Variants in PTPRD observed in about 807,000 individuals in gnomAD.
The protein encoded by PTPRD is protein tyrosine phosphatase receptor type D.
Under a neutral mutation model 214.5 loss-of-function variants are expected in PTPRD, and 34 were observed. The observed-to-expected ratio is 0.16, with a 90% confidence interval of 0.12 to 0.21. The LOEUF (loss-of-function observed/expected upper bound fraction) is 0.21, where lower values mean the gene tolerates loss of function less well. PTPRD is among the 10% of genes least tolerant of loss of function. The pLI is 1.00. For missense variants in PTPRD, 2,545 were observed against 2,398.7 expected, an observed-to-expected ratio of 1.06 and a Z score of -1.27; for synonymous variants, 1,128 against 845.7, an observed-to-expected ratio of 1.33 and a Z score of -5.79.
In PTPRD at chr9:8,940,280, C is replaced by CTTTTTTTTTTT. The variant is rs34342718; in HGVS notation, c.-104+78406_-104+78416dup. Among the ~76,000 whole-genome samples the CTTTTTTTTTTT allele has an allele frequency of 5.2e-4, 46 of 89,048 alleles. 2 individuals carry two copies. The highest frequency in any genetic ancestry group is 8.7e-4 in the South Asian group (2 of 2,286). The allele number at this position is 89,048 out of a possible 152,430, so 58.4% of individuals were successfully genotyped here. A position where few individuals can be genotyped will look rare whatever the true frequency, so the allele number is the denominator to read the frequency against. On this transcript the variant is annotated intron_variant, in intron 11 of 45. Transcript: ENST00000381196. ...TCACACATCTCTCTCTCTCTCTCTCCTTTTTTTTTTTTTTTTTTTTGAGAT... is the reference window on the plus strand; with the variant it reads ...TCACACATCTCTCTCTCTCTCTCTCCTTTTTTTTTTTTTTTTTTTTTTTTTTTTTTTGAGAT...
In PTPRD at chr9:9,216,536, G is replaced by A. The variant is rs2099952368; in HGVS notation, c.-202-33173C>T. ...AAGACTAAGCCTGATTAACTACACA[G>A]CCGTCATCTTCCAGGTTCAGAGTGA... On this transcript the variant is annotated intron_variant, in intron 9 of 45. Coordinates refer to ENST00000381196, the MANE Select transcript of PTPRD (RefSeq NM_002839.4). Among the ~76,000 whole-genome samples, 4 of 152,248 alleles carry A rather than the reference G, an allele frequency of 2.6e-5. 1 individual carries two copies. In the South Asian group the frequency reaches 8.3e-4, roughly 32 times the overall value.
intron 2 of PTPRD, among the ~76,000 whole-genome samples, chr9:10,451,903 T>C (rs2098844074): frequency 6.7e-6 from 1 of 148,434 alleles, no homozygotes; most frequent in Non-Finnish European, 1.5e-5. Context: ...CAGTTAAAGG[T>C]ATTATTTTCG....
chr9:9,268,616 AT>A (rs748253614), intron 9 of PTPRD, among the ~76,000 whole-genome samples: 6 of 151,128 alleles, frequency 4.0e-5, no homozygotes, highest in Non-Finnish European at 7.4e-5. Flanking sequence ...TCAAATTATA[AT>A]AAAAACCTAT....
intron 4 of PTPRD, among the ~76,000 whole-genome samples, chr9:10,000,399 G>C (rs564410479): frequency 6.6e-6 from 1 of 151,962 alleles, no homozygotes; most frequent in Non-Finnish European, 1.5e-5. Flanking sequence ...ACTCAAAATG[G>C]TGCTGCAAAC....
At chr9:10,261,547 C>A (rs2093700676) in intron 3 of PTPRD, among the ~76,000 whole-genome samples, 1 of 151,912 alleles carries the variant, frequency 6.6e-6, no homozygotes, top group Non-Finnish European at 1.5e-5. Flanking sequence ...TGTATATATA[C>A]ATATGTATAG....
chr9:10,423,301 G>C (rs920205738), intron 2 of PTPRD, among the ~76,000 whole-genome samples: 1 of 152,040 alleles, frequency 6.6e-6, no homozygotes, highest in African/African-American at 2.4e-5. Flanking sequence ...TCTGGGGTCT[G>C]TCATGGGGTG....
At chr9:8,516,974 G>A (rs947660855) in intron 21 of PTPRD, among the ~76,000 whole-genome samples, 1 of 151,792 alleles carries the variant, frequency 6.6e-6, no homozygotes, top group Non-Finnish European at 1.5e-5. Flanking sequence ...ACCATGCCCA[G>A]CTAATTTTTG....
At chr9:9,281,046 C>T (rs973595373) in intron 9 of PTPRD, among the ~76,000 whole-genome samples, 4 of 151,224 alleles carry the variant, frequency 2.6e-5, no homozygotes, top group African/African-American at 9.7e-5. Context: ...GCTGGAACAA[C>T]TGAATACGCA....
intron 3 of PTPRD, among the ~76,000 whole-genome samples, chr9:10,332,046 TG>T (rs2096760513): frequency 6.6e-6 from 1 of 151,852 alleles, no homozygotes; most frequent in South Asian, 2.1e-4. Context: ...CACATTTCCT[TG>T]ATTCTATAAT....
intron 2 of PTPRD, among the ~76,000 whole-genome samples, chr9:10,344,219 A>T (rs1318923219): frequency 6.6e-6 from 1 of 151,870 alleles, no homozygotes; most frequent in Non-Finnish European, 1.5e-5. Context: ...GGTGTAAGGA[A>T]GGGATCCAGT....
chr9:9,408,171 C>T (rs530979174), intron 8 of PTPRD, among the ~76,000 whole-genome samples: 13 of 151,884 alleles, frequency 8.6e-5, no homozygotes, highest in African/African-American at 3.1e-4. Flanking sequence ...TGATGCTTCT[C>T]ACAACTTTGT....
At chr9:10,074,633 G>A (rs1312517063) in intron 3 of PTPRD, among the ~76,000 whole-genome samples, 1 of 152,114 alleles carries the variant, frequency 6.6e-6, no homozygotes, top group Non-Finnish European at 1.5e-5. Context: ...ATGGATAGCA[G>A]TTAATGTCAC....
chr9:9,647,663 G>A (rs1258963001), intron 7 of PTPRD, among the ~76,000 whole-genome samples: 4 of 152,144 alleles, frequency 2.6e-5, no homozygotes, highest in Admixed American at 6.5e-5. Context: ...CCAAGGTCAA[G>A]ACATGCAAGA....
At position 8,710,641 on chromosome 9, in the gene PTPRD, A is replaced by G. The variant is rs148025484; in HGVS notation, c.64+23139T>C. 1.7e-3 allele frequency among the ~76,000 whole-genome samples: 253 copies of G among 152,216 alleles called. 1 individual carries two copies. The highest frequency in any genetic ancestry group is 5.6e-3 in the African/African-American group (234 of 41,524). ...AAAAAATAAATAAATAAAAATAACA[A>G]TAATAATAACAGTAATAGGATATCA... On this transcript the variant is annotated intron_variant, in intron 12 of 45. Transcript: ENST00000381196.
At chr9:10,552,274 T>A (rs935985587) in intron 2 of PTPRD, among the ~76,000 whole-genome samples, 1 of 152,184 alleles carries the variant, frequency 6.6e-6, no homozygotes, top group Non-Finnish European at 1.5e-5. Context: ...ATTAAGAATT[T>A]AAGGTATCAT....
rs542348492 is a variant in PTPRD at position 8,803,040 on chromosome 9, G to A, written c.-103-69094C>T. Among the ~76,000 whole-genome samples the A allele has an allele frequency of 2.6e-5, 4 of 152,206 alleles. No individual in the cohort carries two copies. The East Asian group carries it at 7.7e-4, about 29-fold the overall frequency. ...CCATTGTACTCCGGCCTCGGCAACAGAGCAAGACCTCAGCTCTGAAATTAA... is the reference window on the plus strand; with the variant it reads ...CCATTGTACTCCGGCCTCGGCAACAAAGCAAGACCTCAGCTCTGAAATTAA... On this transcript the variant is annotated intron_variant, in intron 11 of 45. Coordinates refer to ENST00000381196, the MANE Select transcript of PTPRD (RefSeq NM_002839.4).
chr9:9,245,568 A>G (rs1360833041), intron 9 of PTPRD, among the ~76,000 whole-genome samples: 1 of 151,840 alleles, frequency 6.6e-6, no homozygotes, highest in Middle Eastern at 3.4e-3. Flanking sequence ...GAATTGAACA[A>G]TGAGAACACT....
In PTPRD at chr9:8,316,508, A is replaced by G. The variant is rs1821878684; in HGVS notation, c.*1366T>C. 1 of 230,706 alleles carries G rather than the reference A, an allele frequency of 4.3e-6. No homozygotes were observed. The highest frequency in any genetic ancestry group is 6.1e-5 in the East Asian group (1 of 16,276). 14.3% of individuals were successfully genotyped at this position (230,706 alleles called of 1,614,324 possible). A position where few individuals can be genotyped will look rare whatever the true frequency, so the allele number is the denominator to read the frequency against. On this transcript the variant is annotated 3_prime_UTR_variant, in exon 46 of 46. Transcript: ENST00000381196. ...TCATAGCACATACTATAGACAATAT[A>G]CGATTGAATACACTTTTTTTAAACA... is the stretch of plus-strand genomic sequence containing the variant.
At chr9:8,380,982 A>G (rs2084887378) in intron 37 of PTPRD, among the ~76,000 whole-genome samples, 1 of 152,232 alleles carries the variant, frequency 6.6e-6, no homozygotes, top group Non-Finnish European at 1.5e-5. Context: ...TCCAACTGTA[A>G]CAAACTGATA....
Sources: gnomAD v4.1 joint callset for allele counts (sites outside exome capture counted in the v4.1 genomes callset) on GRCh38, gnomAD v4.1.1 for gene constraint, MANE v1.5 for transcripts, NCBI Gene and HGNC (gene_info 2026-07-23, HGNC 2026-07-21) for gene names.